The following LRRC37A variants were observed in gnomAD, a reference collection of about 807,000 sequenced individuals.
LRRC37A encodes leucine-rich repeat-containing protein 37A.
A neutral mutation model predicts 35.4 loss-of-function variants in LRRC37A; 3 were observed. The observed-to-expected ratio is 0.08, with a 90% CI of 0.04 to 0.22. The LOEUF (loss-of-function observed/expected upper bound fraction) is 0.22. Among genes scored for constraint, LRRC37A ranks in the 10% least tolerant of loss-of-function variants. The probability of loss-of-function intolerance (pLI) is 1.00; values close to 1 mark genes in which losing one functional copy is unlikely to be tolerated. For missense variants in LRRC37A, 67 were observed against 565.3 expected (o/e 0.12, Z 8.94); for synonymous variants, 23 against 215.0 (o/e 0.11, Z 7.81).
At chr17:46,253,412 G>A in the LRRC37A span, among the ~76,000 whole-genome samples, 2 of 152,104 alleles carry the variant, frequency 1.3e-5, no homozygotes, top group Admixed American at 1.3e-4. Flanking sequence ...GGGAGGTGGA[G>A]GTTGTAGCCA....
At chr17:46,254,914 C>T in the LRRC37A span, among the ~76,000 whole-genome samples, 2 of 151,998 alleles carry the variant, frequency 1.3e-5, no homozygotes, top group African/African-American at 4.8e-5. Flanking sequence ...CAGCTCACTG[C>T]AACCTCTGCC....
the LRRC37A span, among the ~76,000 whole-genome samples, chr17:46,272,418 TTTTTA>T: frequency 6.6e-6 from 1 of 152,154 alleles, no homozygotes; most frequent in Non-Finnish European, 1.5e-5. Flanking sequence ...TTTTCTTTCT[TTTTTA>T]TTTTTTTTGA....
At chr17:46,286,364 A>G in the LRRC37A span, among the ~76,000 whole-genome samples, 1 of 152,268 alleles carries the variant, frequency 6.6e-6, no homozygotes, top group East Asian at 1.9e-4. Context: ...GCTGAAAACA[A>G]GTCACAAATC....
chr17:46,313,737 A>T (rs2143775678), intron 5 of LRRC37A, among the ~76,000 whole-genome samples: 1 of 39,768 alleles, frequency 2.5e-5, no homozygotes, highest in East Asian at 4.8e-4. Context: ...TCTCATAGCC[A>T]TCCCAGTGAG....
At chr17:46,291,865 G>A (rs1409883470), upstream of LRRC37A, among the ~76,000 whole-genome samples, 3 of 151,310 alleles carry the variant, frequency 2.0e-5, no homozygotes, top group Non-Finnish European at 4.4e-5. Flanking sequence ...GGAACCTGAG[G>A]CGGAAGGACT....
chr17:46,266,974 C>G, the LRRC37A span: 5 of 155,042 alleles, frequency 3.2e-5, no homozygotes, highest in Non-Finnish European at 1.4e-5. Context: ...CTGCCCACCC[C>G]AACCGGCCGC....
chr17:46,257,039 C>T, the LRRC37A span, among the ~76,000 whole-genome samples: 1 of 152,248 alleles, frequency 6.6e-6, no homozygotes, highest in Admixed American at 6.5e-5. Context: ...GTTTTGGCAT[C>T]CTGTAATTAT....
At chr17:46,259,074 A>G in the LRRC37A span, among the ~76,000 whole-genome samples, 2 of 138,510 alleles carry the variant, frequency 1.4e-5, no homozygotes, top group African/African-American at 5.6e-5. Flanking sequence ...GGTTTAACAT[A>G]AATACAACCA....
the LRRC37A span, among the ~76,000 whole-genome samples, chr17:46,273,815 GC>G: frequency 6.6e-6 from 1 of 152,074 alleles, no homozygotes; most frequent in Non-Finnish European, 1.5e-5. Context: ...AAACCAACAA[GC>G]AAAAAACAAA....
upstream of LRRC37A, among the ~76,000 whole-genome samples, chr17:46,291,606 A>G (rs1313620002): frequency 6.6e-6 from 1 of 152,092 alleles, no homozygotes; most frequent in Non-Finnish European, 1.5e-5. Context: ...ATGTTTGAAA[A>G]TGAAAATGTG....
At chr17:46,291,392 C>A (rs563261402), upstream of LRRC37A, among the ~76,000 whole-genome samples, 6 of 151,912 alleles carry the variant, frequency 3.9e-5, no homozygotes, top group South Asian at 1.2e-3. Context: ...AAACTGCAGG[C>A]CTTCTAGACT....
chr17:46,277,883 C>A, the LRRC37A span, among the ~76,000 whole-genome samples: 2 of 151,906 alleles, frequency 1.3e-5, no homozygotes, highest in Admixed American at 6.6e-5. Flanking sequence ...CTGACCTAAC[C>A]GCCCACCTCA....
chr17:46,290,126 A>G (rs1339235208), upstream of LRRC37A, among the ~76,000 whole-genome samples: 1 of 152,270 alleles, frequency 6.6e-6, no homozygotes, highest in Non-Finnish European at 1.5e-5. Context: ...CTTAAAACAA[A>G]ACAAAACAAA....
the LRRC37A span, among the ~76,000 whole-genome samples, chr17:46,271,818 G>A: frequency 5.9e-5 from 9 of 152,286 alleles, no homozygotes; most frequent in East Asian, 1.4e-3. Context: ...CTGGAGTGCA[G>A]TGGCACAATC....
the LRRC37A span, among the ~76,000 whole-genome samples, chr17:46,254,545 ATT>A: frequency 7.6e-6 from 1 of 132,216 alleles, no homozygotes; most frequent in Admixed American, 8.0e-5. Context: ...TGCCCAGCTA[ATT>A]TTTTTTTTTT....
chr17:46,266,839 C>T, the LRRC37A span, among the ~76,000 whole-genome samples: 1 of 151,374 alleles, frequency 6.6e-6, no homozygotes, highest in Non-Finnish European at 1.5e-5. Context: ...TGGCGCAAGC[C>T]GAGAACCGCG....
At chr17:46,332,619 T>C (rs1380604337) in exon 10 of LRRC37A, 18 of 1,232,112 alleles carry the variant, frequency 1.5e-5, no homozygotes, top group Non-Finnish European at 2.1e-5. Context: ...GTTACTGGAA[T>C]ACTAACGATT....
At chr17:46,261,217 ATT>A in the LRRC37A span, among the ~76,000 whole-genome samples, 2 of 113,096 alleles carry the variant, frequency 1.8e-5, no homozygotes, top group African/African-American at 2.6e-5. Flanking sequence ...GGAAATAAAA[ATT>A]TTTTTTTAGA....
At chr17:46,306,126 A>G (rs2050553903) in intron 4 of LRRC37A, 103 bp from the exon 5 acceptor site, 1 of 220,754 alleles carries the variant, frequency 4.5e-6, no homozygotes. Context: ...GCATAGAGAA[A>G]GGATTGAGGT....
Sources: gnomAD v4.1 joint callset for allele counts (sites outside exome capture counted in the v4.1 genomes callset) on GRCh38, gnomAD v4.1.1 for gene constraint, MANE v1.5 for transcripts, NCBI Gene and HGNC (gene_info 2026-07-23, HGNC 2026-07-21) for gene names.